ASXL1: variants seen among roughly 807,000 people sequenced by gnomAD.
ASXL1 encodes polycomb group protein ASXL1.
ASXL1 carries 65 observed loss-of-function variants against 89.1 expected under a neutral mutation model. That is an observed-to-expected ratio of 0.73 (90% CI 0.60 to 0.90). The LOEUF (loss-of-function observed/expected upper bound fraction) is 0.90. ASXL1 is among the 40% of genes least tolerant of loss of function. The pLI is 0.00. For synonymous variants in ASXL1, 739 were observed against 746.9 expected (o/e 0.99, Z 0.17); for missense variants, 1,786 against 1,942.9 (o/e 0.92, Z 1.52).
intron 4 of ASXL1, among the ~76,000 whole-genome samples, chr20:32,386,467 G>T (rs760741723): frequency 6.6e-6 from 1 of 151,914 alleles, no homozygotes; most frequent in Non-Finnish European, 1.5e-5. Context: ...GCCCAGGCTG[G>T]AGTGCAGTGG....
At position 32,433,663 on chromosome 20, in the gene ASXL1, C is replaced by T. The variant is rs142172134; in HGVS notation, c.1465C>T (p.Arg489Trp). Residue 489 changes from arginine to tryptophan, a missense_variant, in exon 12 of 13, where the codon CGG (arginine) becomes TGG (tryptophan). Coordinates refer to ENST00000375687, the MANE Select transcript of ASXL1 (RefSeq NM_015338.6). ...ATTCCCAGTTGAGTCTGTGGCTTCT[C>T]GGATCCAGGCTGAGCCAGACAACTT... ...PEFPVESVAS[R>W]IQAEPDNLAR... 40 of 1,611,120 alleles carry T rather than the reference C, an allele frequency of 2.5e-5. No individual in the cohort carries two copies. The South Asian group carries it at 2.6e-4, about 11-fold the overall frequency.
At chr20:32,381,950 T>C (rs1174407519) in intron 4 of ASXL1, among the ~76,000 whole-genome samples, 1 of 144,548 alleles carries the variant, frequency 6.9e-6, no homozygotes, top group Non-Finnish European at 1.5e-5. Flanking sequence ...ATCTTTTTTT[T>C]CTTGCCTTTT....
rs116112525 is a variant in ASXL1 at position 32,435,741 on chromosome 20, C to G, written c.3029C>G (p.Thr1010Arg). The stretch of plus-strand genomic sequence containing the variant: ...GCCTCTGACTTTGAAGGTCACCTCA[C>G]GGAGGACAGCAGTGAGGCTGACACT... Reference protein sequence around the residue: ...DTASDFEGHLTEDSSEADTRE... With the variant: ...DTASDFEGHLREDSSEADTRE... Residue 1010 changes from threonine (T) to arginine (R), a missense_variant, in exon 13 of 13, where the codon ACG becomes AGG. Thr to Arg is a moderately conservative substitution (Grantham distance 71). Around this residue, in one of 3 missense-constraint regions of ASXL1, gnomAD observed 1,418 missense variants for 1,427.8 expected, o/e 0.99. Coordinates refer to ENST00000375687, the MANE Select transcript of ASXL1 (RefSeq NM_015338.6). 1 of 1,614,022 alleles carries G rather than the reference C, an allele frequency of 6.2e-7. No individual in the cohort carries two copies. The highest frequency in any genetic ancestry group is 8.5e-7 in the Non-Finnish European group (1 of 1,180,032).
At position 32,436,374 on chromosome 20, in the gene ASXL1, C is replaced by T. The variant is rs545612479; in HGVS notation, c.3662C>T (p.Thr1221Ile). The change falls in exon 13 of 13, where the codon ACA becomes ATA. Residue 1221 changes from threonine to isoleucine, a missense_variant. By Grantham distance (89) the Thr-to-Ile change is moderately conservative. Around this residue, in one of 3 missense-constraint regions of ASXL1, gnomAD observed 1,418 missense variants for 1,427.8 expected, o/e 0.99. Transcript: ENST00000375687. ...CTCCATCCAGTGACAAATCCCATTA[C>T]ATCCTCTAGGAAACTGGAAGAAATG... ...DSLHPVTNPI[T>I]SSRKLEEMDS... The T allele has an allele frequency of 2.5e-6, 4 of 1,613,734 alleles. No homozygotes were observed. In the East Asian group the frequency reaches 6.7e-5, roughly 27 times the overall value.
intron 2 of ASXL1, 43 bp downstream of exon 2, chr20:32,366,509 T>C: frequency 6.2e-7 from 1 of 1,613,378 alleles, no homozygotes; most frequent in Non-Finnish European, 8.5e-7. Context: ...TTTCATAGGA[T>C]ATGTGTCTTT....
intron 4 of ASXL1, among the ~76,000 whole-genome samples, chr20:32,395,478 A>G (rs530091456): frequency 1.3e-4 from 20 of 152,094 alleles, no homozygotes; most frequent in Admixed American, 1.3e-3. Context: ...TGTGTTTATT[A>G]TATACTTTGT....
At position 32,367,736 on chromosome 20, in the gene ASXL1, G is replaced by T; in HGVS notation, c.143+7G>T. The T allele has an allele frequency of 1.3e-6, 1 of 780,866 alleles. No individual in the cohort carries two copies. The highest frequency in any genetic ancestry group is 2.4e-6 in the Non-Finnish European group (1 of 418,116). 48.4% of individuals were successfully genotyped at this position (780,866 alleles called of 1,614,324 possible). A position where few individuals can be genotyped will look rare whatever the true frequency, so the allele number is the denominator to read the frequency against. On this transcript the variant is annotated splice_region_variant and intron_variant, in intron 3 of 12. Coordinates refer to ENST00000375687, the MANE Select transcript of ASXL1 (RefSeq NM_015338.6). Reference sequence around the variant, plus strand: ...ACCACTTTGCCTATAGAAGGTAAATGAGTCCCTTTGGGACATATGGAATTG... The same window carrying T: ...ACCACTTTGCCTATAGAAGGTAAATTAGTCCCTTTGGGACATATGGAATTG...
intron 4 of ASXL1, among the ~76,000 whole-genome samples, chr20:32,406,557 A>G (rs546858853): frequency 1.3e-5 from 2 of 152,162 alleles, no homozygotes; most frequent in Admixed American, 6.5e-5. Flanking sequence ...TCTCAAATCT[A>G]TTCCCTAATA....
chr20:32,412,535 C>T (rs948832697), intron 4 of ASXL1, among the ~76,000 whole-genome samples: 4 of 151,938 alleles, frequency 2.6e-5, no homozygotes, highest in African/African-American at 9.7e-5. Context: ...CAACCACTTC[C>T]TCTTTTTAGT....
chr20:32,389,383 T>A (rs925389656), intron 4 of ASXL1, among the ~76,000 whole-genome samples: 2 of 152,206 alleles, frequency 1.3e-5, no homozygotes, highest in Non-Finnish European at 2.9e-5. Flanking sequence ...TTGTTTCTGG[T>A]TCTTGCTGTA....
At chr20:32,421,857 GTTTCT>G (rs1248347237) in intron 4 of ASXL1, among the ~76,000 whole-genome samples, 3 of 140,802 alleles carry the variant, frequency 2.1e-5, no homozygotes, top group East Asian at 2.2e-4. Context: ...GAGAGGGGTG[GTTTCT>G]TTTCTTTTTT....
chr20:32,388,072 G>A (rs778626454), intron 4 of ASXL1, among the ~76,000 whole-genome samples: 2 of 152,128 alleles, frequency 1.3e-5, no homozygotes, highest in Non-Finnish European at 2.9e-5. Flanking sequence ...CCACCAGAGT[G>A]GTTTAAGCCA....
intron 4 of ASXL1, among the ~76,000 whole-genome samples, chr20:32,423,600 G>T (rs1028916524): frequency 2.0e-5 from 3 of 151,264 alleles, no homozygotes; most frequent in African/African-American, 7.3e-5. Flanking sequence ...GCCCAGGCTG[G>T]AGTGCAATGG....
At chr20:32,369,271 T>C (rs2048257395) in intron 4 of ASXL1, 148 bp downstream of exon 4, 2 of 783,878 alleles carry the variant, frequency 2.6e-6, no homozygotes, top group Non-Finnish European at 4.3e-6. Flanking sequence ...TTTTTAGACA[T>C]AGTCTCGCTG....
chr20:32,429,675 TA>T lies in ASXL1; in HGVS notation c.566-222del. The T allele has an allele frequency of 1.4e-6, 1 of 710,706 alleles. No individual in the cohort carries two copies. The highest frequency in any genetic ancestry group is 2.3e-6 in the Non-Finnish European group (1 of 433,156). 44.0% of individuals were successfully genotyped at this position (710,706 alleles called of 1,614,324 possible). A position where few individuals can be genotyped will look rare whatever the true frequency, so the allele number is the denominator to read the frequency against. ...AGGATTTGATTATGCCAGTGCTTTGTAAAAGGTGTAGTGCTATACAAATAAA... is the reference window on the plus strand; with the variant it reads ...AGGATTTGATTATGCCAGTGCTTTGTAAAGGTGTAGTGCTATACAAATAAA... On this transcript the variant is annotated intron_variant, in intron 7 of 12. Transcript: ENST00000375687. The surrounding 1 kb of genome is among the most constrained non-coding windows in gnomAD (Gnocchi z 4.9).
chr20:32,377,138 T>TA (rs2048398102), intron 4 of ASXL1, among the ~76,000 whole-genome samples: 3 of 141,538 alleles, frequency 2.1e-5, no homozygotes, highest in East Asian at 4.0e-4. Flanking sequence ...ATAATATATA[T>TA]TATATATTAT....
At chr20:32,359,476 G>T in intron 1 of ASXL1, 1 of 678,568 alleles carries the variant, frequency 1.5e-6, no homozygotes, top group Non-Finnish European at 2.7e-6. Context: ...TGAGCCTCAG[G>T]GTCTGGGATA....
chr20:32,369,272 A>G (rs2048257444), intron 4 of ASXL1, 149 bp downstream of exon 4: 5 of 779,214 alleles, frequency 6.4e-6, no homozygotes, highest in Admixed American at 2.0e-5. Context: ...TTTTAGACAT[A>G]GTCTCGCTGT....
chr20:32,386,862 G>A (rs1057032405), intron 4 of ASXL1, among the ~76,000 whole-genome samples: 4 of 143,710 alleles, frequency 2.8e-5, no homozygotes, highest in African/African-American at 1.0e-4. Flanking sequence ...GTACCTTGAT[G>A]TGGGTCTTTT....
Sources: allele counts gnomAD v4.1 joint callset (sites outside exome capture counted in the v4.1 genomes callset), GRCh38; gene constraint gnomAD v4.1.1; regional missense constraint gnomAD v4.1.1; non-coding constraint Gnocchi (gnomAD v3.1); transcripts MANE v1.5; gene names NCBI Gene and HGNC (gene_info 2026-07-23, HGNC 2026-07-21).